The following PARN variants were observed in gnomAD, a reference collection of about 807,000 sequenced individuals.
PARN encodes the protein poly(A)-specific ribonuclease PARN.
PARN carries 71 observed loss-of-function variants against 102.8 expected under a neutral mutation model. That is an observed-to-expected ratio of 0.69 (90% CI 0.57 to 0.84). The LOEUF (loss-of-function observed/expected upper bound fraction) is 0.84. Among genes scored for constraint, PARN ranks in the 40% least tolerant of loss-of-function variants. The pLI, the probability that PARN is intolerant of heterozygous loss-of-function variation, is 0.00. For missense variants in PARN, 782 were observed against 760.9 expected (o/e 1.03, Z -0.33); for synonymous variants, 261 against 252.9 (o/e 1.03, Z -0.30).
At chr16:14,611,807 T>C (rs900274685) in intron 6 of PARN, among the ~76,000 whole-genome samples, 2 of 152,178 alleles carry the variant, frequency 1.3e-5, no homozygotes, top group Non-Finnish European at 2.9e-5. Flanking sequence ...AGTGCTGGGA[T>C]TACAGGCGGG....
intron 21 of PARN, among the ~76,000 whole-genome samples, chr16:14,542,040 T>C (rs556115394): frequency 2.6e-5 from 4 of 152,312 alleles, no homozygotes; most frequent in South Asian, 2.1e-4. Context: ...GGTCTTGCAC[T>C]GTCACCCAGG....
chr16:14,439,664 T>G (rs922693787), intron 23 of PARN, among the ~76,000 whole-genome samples: 2 of 152,182 alleles, frequency 1.3e-5, no homozygotes, highest in Non-Finnish European at 2.9e-5. Flanking sequence ...GGGAAAAATC[T>G]GATAAACTGG....
intron 21 of PARN, among the ~76,000 whole-genome samples, chr16:14,545,497 TAAAC>T (rs112970170): frequency 0.17 from 26,295 of 152,104 alleles, 2,608 homozygotes; most frequent in Middle Eastern, 0.28. Context: ...TACGTATAAA[TAAAC>T]AGTTAACATA....
At chr16:14,551,963 G>T in intron 21 of PARN, 58 bp downstream of exon 21, 1 of 1,121,666 alleles carries the variant, frequency 8.9e-7, no homozygotes, top group Non-Finnish European at 1.4e-6. Flanking sequence ...TAAGGGGGCA[G>T]TGGGAGGGCA....
At chr16:14,552,160 G>A (rs967480567) in intron 20 of PARN, 65 bp from the exon 21 acceptor site, 47 of 947,936 alleles carry the variant, frequency 5.0e-5, no homozygotes, top group Non-Finnish European at 7.5e-5. Flanking sequence ...GATTTAATGC[G>A]CGTATCTTAC....
chr16:14,605,614 G>A (rs1184350603), intron 10 of PARN, among the ~76,000 whole-genome samples: 4 of 152,156 alleles, frequency 2.6e-5, no homozygotes, highest in African/African-American at 9.6e-5. Context: ...TATATTTTGT[G>A]TCCACTAAAG....
At chr16:14,470,776 A>T (rs72787633) in intron 22 of PARN, among the ~76,000 whole-genome samples, 23,907 of 152,000 alleles carry the variant, frequency 0.16, 2,401 homozygotes, top group Middle Eastern at 0.26. Context: ...AATTATTTTT[A>T]AAAAATACAT....
intron 21 of PARN, among the ~76,000 whole-genome samples, chr16:14,498,105 A>G (rs1306210265): frequency 1.4e-5 from 2 of 146,386 alleles, no homozygotes; most frequent in African/African-American, 5.0e-5. Context: ...GCCTGGCAAT[A>G]GAGAGAGACT....
At chr16:14,573,758 G>A (rs1038728429) in intron 18 of PARN, among the ~76,000 whole-genome samples, 2 of 152,152 alleles carry the variant, frequency 1.3e-5, no homozygotes, top group Non-Finnish European at 2.9e-5. Flanking sequence ...TTAAAAACGG[G>A]AGGTTCCCTG....
intron 21 of PARN, among the ~76,000 whole-genome samples, chr16:14,531,502 C>T (rs969650775): frequency 6.6e-6 from 1 of 152,180 alleles, no homozygotes; most frequent in African/African-American, 2.4e-5. Context: ...CCATTTATTA[C>T]CCTATGTAGC....
In PARN at chr16:14,554,140, G is replaced by A. The variant is rs765981944; in HGVS notation, c.1330C>T (p.Arg444Cys). 23 of 1,611,378 alleles carry A rather than the reference G, an allele frequency of 1.4e-5. No homozygotes were observed. The Admixed American group carries it at 1.5e-4, about 11-fold the overall frequency. ...NLEGPDLQPKRDHVLHVTFPK... is the reference protein window; with the variant it reads ...NLEGPDLQPKCDHVLHVTFPK... Reference sequence around the variant, plus strand: ...AATGTCACATGGAGAACATGATCACGTTTAGGCTGCACTACAAGACAAATT... The same window carrying A: ...AATGTCACATGGAGAACATGATCACATTTAGGCTGCACTACAAGACAAATT... Residue 444 changes from arginine (R) to cysteine (C), a missense_variant, in exon 20 of 24, where the codon CGT becomes TGT. Transcript: ENST00000437198.
At chr16:14,528,340 C>T (rs1032870691) in intron 21 of PARN, among the ~76,000 whole-genome samples, 2 of 152,164 alleles carry the variant, frequency 1.3e-5, no homozygotes, top group Non-Finnish European at 2.9e-5. Context: ...AACGGCAACC[C>T]AACTGTAGGA....
chr16:14,582,535 T>C (rs1400690999), intron 16 of PARN, among the ~76,000 whole-genome samples: 1 of 152,068 alleles, frequency 6.6e-6, no homozygotes, highest in African/African-American at 2.4e-5. Context: ...AGCCGTGGGC[T>C]TTCTCGTCCC....
chr16:14,595,867 G>A (rs532755600), intron 12 of PARN, among the ~76,000 whole-genome samples: 1 of 152,088 alleles, frequency 6.6e-6, no homozygotes, highest in South Asian at 2.1e-4. Flanking sequence ...GGTCTCCCAT[G>A]TTGCCCAGGC....
chr16:14,618,405 G>A (rs768256476), intron 5 of PARN, among the ~76,000 whole-genome samples: 2 of 151,466 alleles, frequency 1.3e-5, no homozygotes, highest in East Asian at 1.9e-4. Flanking sequence ...GGAGAATGGC[G>A]TGAACCCGAG....
intron 22 of PARN, among the ~76,000 whole-genome samples, chr16:14,457,748 A>G (rs1770783078): frequency 6.8e-6 from 1 of 147,848 alleles, no homozygotes; most frequent in East Asian, 2.0e-4. Context: ...CAGTGAGCCA[A>G]TATCGCACCA....
rs144858178 is a variant in PARN at position 14,515,336 on chromosome 16, T to C, written c.1481-32509A>G. 3.3e-3 allele frequency among the ~76,000 whole-genome samples: 510 copies of C among 152,284 alleles called. 8 individuals are homozygous for C. The highest frequency in any genetic ancestry group is 0.029 in the Admixed American group (439 of 15,292). On this transcript the variant is annotated intron_variant, in intron 21 of 23. Coordinates refer to ENST00000437198, the MANE Select transcript of PARN (RefSeq NM_002582.4). ...CATGAATTCCACCTCAGGTAGCAAATTCTACAGTATATTTTGTTGCAGTTT... is the reference window on the plus strand; with the variant it reads ...CATGAATTCCACCTCAGGTAGCAAACTCTACAGTATATTTTGTTGCAGTTT...
At chr16:14,541,907 A>G (rs891283425) in intron 21 of PARN, among the ~76,000 whole-genome samples, 4 of 152,228 alleles carry the variant, frequency 2.6e-5, no homozygotes, top group African/African-American at 9.6e-5. Flanking sequence ...AAATTACTCA[A>G]TATACAAAGA....
chr16:14,468,839 G>A (rs1962527651), intron 22 of PARN, among the ~76,000 whole-genome samples: 1 of 151,174 alleles, frequency 6.6e-6, no homozygotes, highest in African/African-American at 2.4e-5. Context: ...CCCAGGAATA[G>A]GAGACCAGCT....
Sources: allele counts gnomAD v4.1 joint callset (sites outside exome capture counted in the v4.1 genomes callset), GRCh38; gene constraint gnomAD v4.1.1; transcripts MANE v1.5; gene names NCBI Gene and HGNC (gene_info 2026-07-23, HGNC 2026-07-21).